MAML2: variants seen among roughly 807,000 people sequenced by gnomAD.
MAML2 encodes mastermind like transcriptional coactivator 2, also known as mastermind-like protein 2.
MAML2 carries 22 observed loss-of-function variants against 96.1 expected under a neutral mutation model. That is an observed-to-expected ratio of 0.23 (90% CI 0.16 to 0.33). MAML2 has a LOEUF of 0.33. MAML2 is among the 10% of genes least tolerant of loss of function. The pLI is 1.00. For missense variants in MAML2, 1,367 were observed against 1,392.4 expected (o/e 0.98, Z 0.29); for synonymous variants, 561 against 521.3 (o/e 1.08, Z -1.04).
intron 4 of MAML2, among the ~76,000 whole-genome samples, chr11:95,981,797 C>A (rs1214315113): frequency 6.6e-6 from 1 of 152,082 alleles, no homozygotes; most frequent in Admixed American, 6.6e-5. Context: ...CTGAAAGTTT[C>A]ATATCAAGGG....
intron 1 of MAML2, among the ~76,000 whole-genome samples, chr11:96,327,580 ATTTATTT>A (rs1415985590): frequency 1.3e-5 from 2 of 151,718 alleles, no homozygotes; most frequent in Non-Finnish European, 1.5e-5. Context: ...TGTCCAGCAC[ATTTATTT>A]TTTATTTTTT....
chr11:96,265,528 C>A (rs1370855710), intron 1 of MAML2, among the ~76,000 whole-genome samples: 2 of 150,334 alleles, frequency 1.3e-5, no homozygotes, highest in African/African-American at 2.5e-5. Context: ...ACTCCACCCC[C>A]ACGGACCTAG....
rs115094210 is a variant in MAML2 at position 95,996,203 on chromosome 11, A to G, written c.2140-4480T>C. On this transcript the variant is annotated intron_variant, in intron 2 of 4. Coordinates refer to ENST00000524717, the MANE Select transcript of MAML2 (RefSeq NM_032427.4). ...TGCTAGGCAGTTTTTTATTTTCTAGAGACCAAAATGTACTTAGAAATGGGG... is the reference window on the plus strand; with the variant it reads ...TGCTAGGCAGTTTTTTATTTTCTAGGGACCAAAATGTACTTAGAAATGGGG... 3.9e-3 allele frequency among the ~76,000 whole-genome samples: 596 copies of G among 152,308 alleles called. 5 individuals carry two copies. Among genetic ancestry groups the G allele is most frequent in the African/African-American group, 0.014 (581 of 41,568 alleles).
At chr11:96,050,039 T>C (rs942585550) in intron 2 of MAML2, among the ~76,000 whole-genome samples, 2 of 152,200 alleles carry the variant, frequency 1.3e-5, no homozygotes, top group Non-Finnish European at 2.9e-5. Context: ...TTTACCATGG[T>C]CCTTTCAACT....
intron 1 of MAML2, among the ~76,000 whole-genome samples, chr11:96,171,441 C>G (rs1307104953): frequency 4.6e-5 from 7 of 152,186 alleles, no homozygotes; most frequent in Admixed American, 2.0e-4. Context: ...GACCTTCCCA[C>G]TCCACTCTGC....
At chr11:96,234,013 T>C (rs1862333957) in intron 1 of MAML2, among the ~76,000 whole-genome samples, 2 of 152,242 alleles carry the variant, frequency 1.3e-5, no homozygotes, top group South Asian at 4.1e-4. Flanking sequence ...CTTTCCATCC[T>C]ATATTTAAGT....
Position 95,979,204 on chromosome 11 carries a change from G to A in MAML2, c.3215C>T (p.Ser1072Leu), listed in dbSNP as rs772579652. The A allele has an allele frequency of 1.4e-5, 22 of 1,613,808 alleles. No individual in the cohort carries two copies. Among genetic ancestry groups the A allele is most frequent in the East Asian group, 4.5e-5 (2 of 44,882 alleles). The change falls in exon 5 of 5, where the codon TCG becomes TTG. Residue 1072 changes from serine to leucine, a missense_variant. Ser to Leu is a moderately radical substitution (Grantham distance 145). Coordinates refer to ENST00000524717, the MANE Select transcript of MAML2 (RefSeq NM_032427.4). The part of the protein sequence containing the change: ...LNQSGTGLNQ[S>L]RTGINQPPSL... The stretch of plus-strand genomic sequence containing the variant: ...TGGTGGCTGGTTGATGCCCGTCCTC[G>A]ACTGATTCAACCCTGTTCCTGACTG...
chr11:96,001,631 C>CA (rs1406728848), intron 2 of MAML2, among the ~76,000 whole-genome samples: 2 of 140,646 alleles, frequency 1.4e-5, no homozygotes, highest in Non-Finnish European at 3.1e-5. Context: ...GTTGAGAACT[C>CA]AACCCCCCCT....
intron 2 of MAML2, among the ~76,000 whole-genome samples, chr11:96,051,885 C>G (rs143943443): frequency 6.6e-6 from 1 of 152,218 alleles, no homozygotes; most frequent in Non-Finnish European, 1.5e-5. Flanking sequence ...TGACCAGCTT[C>G]CTTGTCCAGT....
chr11:96,014,162 AG>A (rs1858307926), intron 2 of MAML2, among the ~76,000 whole-genome samples: 1 of 152,190 alleles, frequency 6.6e-6, no homozygotes, highest in Admixed American at 6.5e-5. Flanking sequence ...GAGGGGGACA[AG>A]GGAATCTTTC....
chr11:96,181,728 A>G (rs1488088297), intron 1 of MAML2, among the ~76,000 whole-genome samples: 1 of 117,658 alleles, frequency 8.5e-6, no homozygotes, highest in Non-Finnish European at 1.8e-5. Context: ...GCCATCAGTG[A>G]CCATCATATC....
intron 1 of MAML2, among the ~76,000 whole-genome samples, chr11:96,301,971 A>G (rs944222101): frequency 2.6e-5 from 4 of 152,198 alleles, no homozygotes; most frequent in Non-Finnish European, 4.4e-5. Context: ...TATATTTCTT[A>G]GTTCTTATTT....
intron 2 of MAML2, among the ~76,000 whole-genome samples, chr11:96,011,301 A>G (rs890605041): frequency 2.6e-5 from 4 of 152,240 alleles, no homozygotes; most frequent in Non-Finnish European, 5.9e-5. Flanking sequence ...TTACAAAAGC[A>G]AAGACATGGA....
At chr11:96,054,007 G>C (rs77728736) in intron 2 of MAML2, among the ~76,000 whole-genome samples, 1 of 151,960 alleles carries the variant, frequency 6.6e-6, no homozygotes, top group Admixed American at 6.6e-5. Flanking sequence ...TTGTTTTACT[G>C]TTTTATATTC....
chr11:96,305,990 C>T (rs1278948823), intron 1 of MAML2, among the ~76,000 whole-genome samples: 1 of 152,112 alleles, frequency 6.6e-6, no homozygotes, highest in African/African-American at 2.4e-5. Context: ...TTTAATATCT[C>T]ACAATAAGAA....
chr11:96,068,592 G>C (rs925173676), intron 2 of MAML2, among the ~76,000 whole-genome samples: 41 of 152,146 alleles, frequency 2.7e-4, no homozygotes, highest in Admixed American at 2.5e-3. Flanking sequence ...ACTTTGGGAG[G>C]CCAAGGTGAG....
rs1051223762 is a variant in MAML2 at position 96,341,860 on chromosome 11, T to G, written c.36A>C (p.Gly12=). The change falls in exon 1 of 5, where the codon GGA becomes GGC. Residue 12 remains glycine, a synonymous_variant. Coordinates refer to ENST00000524717, the MANE Select transcript of MAML2 (RefSeq NM_032427.4). ...CCGCCCCAGAGGCCCCCCCTAGCCC[T>G]CCTGCGGGGGCCTGCGGGGGCGCTG... ...GDTAPPQAPA[G]GLGGASGAGL... 7.1e-6 allele frequency: 11 copies of G among 1,551,414 alleles called. No homozygotes were observed. The highest frequency in any genetic ancestry group is 1.4e-5 in the African/African-American group (1 of 73,474).
chr11:96,091,815 CA>C, intron 2 of MAML2, 76 bp downstream of exon 2: 1 of 1,522,430 alleles, frequency 6.6e-7, no homozygotes, highest in Admixed American at 2.1e-5. Flanking sequence ...CCAATACAAA[CA>C]TAATGGTAAC....
At chr11:96,007,760 G>A (rs1209758712) in intron 2 of MAML2, among the ~76,000 whole-genome samples, 1 of 151,406 alleles carries the variant, frequency 6.6e-6, no homozygotes, top group African/African-American at 2.4e-5. Context: ...AACATTCTCA[G>A]TAAACTATCG....
Sources: gnomAD v4.1 joint callset for allele counts (sites outside exome capture counted in the v4.1 genomes callset) on GRCh38, gnomAD v4.1.1 for gene constraint, MANE v1.5 for transcripts, NCBI Gene and HGNC (gene_info 2026-07-23, HGNC 2026-07-21) for gene names.